Variants in RAB3GAP1 observed in about 807,000 individuals in gnomAD.
RAB3GAP1 encodes RAB3 GTPase activating protein catalytic subunit 1, also known as rab3 GTPase-activating protein catalytic subunit.
Under a neutral mutation model 130.7 loss-of-function variants are expected in RAB3GAP1, and 86 were observed. The observed-to-expected ratio is 0.66, with a 90% confidence interval of 0.55 to 0.79. The LOEUF is 0.79. RAB3GAP1 is among the 30% of genes least tolerant of loss of function. The pLI is 0.00. For missense variants in RAB3GAP1, 1,029 were observed against 1,169.4 expected, an observed-to-expected ratio of 0.88 and a Z score of 1.75; for synonymous variants, 367 against 401.7, an observed-to-expected ratio of 0.91 and a Z score of 1.03.
chr2:135,142,318 A>C (rs1226654703), intron 17 of RAB3GAP1, among the ~76,000 whole-genome samples: 2 of 152,126 alleles, frequency 1.3e-5, no homozygotes, highest in East Asian at 3.8e-4. Flanking sequence ...GTATTTTAAA[A>C]GTTCATTTTC....
intron 3 of RAB3GAP1, among the ~76,000 whole-genome samples, chr2:135,063,716 T>C (rs1240453423): frequency 6.6e-6 from 1 of 152,220 alleles, no homozygotes; most frequent in Admixed American, 6.5e-5. Context: ...GTTTATCTGT[T>C]CATCTGTTGA....
intron 3 of RAB3GAP1, among the ~76,000 whole-genome samples, chr2:135,073,049 G>A (rs576233351): frequency 1.3e-5 from 2 of 152,308 alleles, no homozygotes; most frequent in South Asian, 2.1e-4. Context: ...GAGAAATAGG[G>A]CTATTAGAGG....
intron 19 of RAB3GAP1, among the ~76,000 whole-genome samples, chr2:135,156,357 G>T (rs1692310794): frequency 1.3e-5 from 2 of 152,026 alleles, no homozygotes; most frequent in East Asian, 3.8e-4. Flanking sequence ...TATAACATTG[G>T]TACCTAAACC....
At position 135,168,885 on chromosome 2, in the gene RAB3GAP1, C is replaced by A; in HGVS notation, c.*104C>A. Reference sequence around the variant, plus strand: ...TGGGAGGTCCTGGAGAGGGCCCTGTCCAGTTGGGTGATCAGGAATCAAACC... The same window carrying A: ...TGGGAGGTCCTGGAGAGGGCCCTGTACAGTTGGGTGATCAGGAATCAAACC... On this transcript the variant is annotated 3_prime_UTR_variant, in exon 24 of 24. Coordinates refer to ENST00000264158, the MANE Select transcript of RAB3GAP1 (RefSeq NM_012233.3). 1 of 960,436 alleles carries A rather than the reference C, an allele frequency of 1.0e-6. No individual in the cohort carries two copies. The highest frequency in any genetic ancestry group is 1.7e-6 in the Non-Finnish European group (1 of 593,556). 59.5% of individuals were successfully genotyped at this position (960,436 alleles called of 1,614,324 possible).
chr2:135,127,922 C>A (rs1691405294), intron 11 of RAB3GAP1, among the ~76,000 whole-genome samples: 1 of 152,058 alleles, frequency 6.6e-6, no homozygotes, highest in Admixed American at 6.6e-5. Flanking sequence ...CCTCAGTGTG[C>A]CTTGTCATCT....
chr2:135,106,080 C>A (rs1359957159), intron 5 of RAB3GAP1, among the ~76,000 whole-genome samples: 1 of 151,702 alleles, frequency 6.6e-6, no homozygotes, highest in Admixed American at 6.6e-5. Context: ...GCCCGGCAGC[C>A]GCCCCATCCG....
rs1691616194 is a variant in RAB3GAP1, at chr2:135,133,993, G to C, written c.1459G>C (p.Glu487Gln). ...ACACCTCTGGCAGGAATTTGTTCTT[G>C]AAATGCGTTTCCGATGGGAAAACAA... ...VAHLWQEFVL[E>Q]MRFRWENNFL... is the part of the protein sequence containing the mutation. The change falls in exon 15 of 24, where the codon GAA (glutamate) becomes CAA (glutamine). Residue 487 changes from glutamate to glutamine, a missense_variant. This residue lies in a region of RAB3GAP1 where 373 missense variants were observed against 493.6 expected (regional missense o/e 0.76). Transcript: ENST00000264158. The C allele has an allele frequency of 1.2e-6, 2 of 1,613,928 alleles. No individual in the cohort carries two copies. The highest frequency in any genetic ancestry group is 1.7e-5 in the Admixed American group (1 of 60,026).
At chr2:135,130,444 C>T in intron 12 of RAB3GAP1, 108 bp from the exon 13 acceptor site, 1 of 904,652 alleles carries the variant, frequency 1.1e-6, no homozygotes, top group South Asian at 1.6e-5. Context: ...CCATGTAACA[C>T]TAGTAAAAAG....
intron 6 of RAB3GAP1, 37 bp downstream of exon 6, chr2:135,113,307 T>A: frequency 6.2e-7 from 1 of 1,609,828 alleles, no homozygotes; most frequent in South Asian, 1.1e-5. Context: ...ACAAAAAAAC[T>A]GTTTTTAACA....
At position 135,120,930 on chromosome 2, in the gene RAB3GAP1, T is replaced by A; in HGVS notation, c.748+12T>A. ...TCAGCAACCTCCAGGTGAGATCATT[T>A]AGAACTATATTTAACTTACTGAATA... On this transcript the variant is annotated intron_variant, in intron 8 of 23. Transcript: ENST00000264158. 6.6e-7 allele frequency: 1 copy of A among 1,515,584 alleles called. No homozygotes were observed. The highest frequency in any genetic ancestry group is 1.7e-4 in the Middle Eastern group (1 of 5,884). The allele number at this position is 1,515,584 out of a possible 1,614,324, so 93.9% of individuals were successfully genotyped here.
intron 3 of RAB3GAP1, among the ~76,000 whole-genome samples, chr2:135,065,859 C>G (rs1221162293): frequency 1.3e-5 from 2 of 151,348 alleles, no homozygotes; most frequent in Non-Finnish European, 2.9e-5. Flanking sequence ...CAACCTTTGC[C>G]TCCCAGGTTC....
At chr2:135,135,340 T>C (rs1183284139) in intron 16 of RAB3GAP1, 21 bp downstream of exon 16, 2 of 1,571,224 alleles carry the variant, frequency 1.3e-6, no homozygotes, top group East Asian at 2.2e-5. Flanking sequence ...CTCAATGACA[T>C]GGATAAATGT....
downstream of RAB3GAP1, chr2:135,175,620 T>C (rs955845665): frequency 1.3e-5 from 2 of 152,230 alleles, no homozygotes; most frequent in Non-Finnish European, 2.9e-5. Flanking sequence ...GTAGAAATTA[T>C]GAGTGGCCCG....
intron 9 of RAB3GAP1, 44 bp from the exon 10 acceptor site, chr2:135,126,137 C>T (rs746752848): frequency 5.9e-6 from 8 of 1,353,510 alleles, no homozygotes; most frequent in South Asian, 4.7e-5. Context: ...AATATAATTG[C>T]TGAGTCAGTA....
At chr2:135,133,285 G>A (rs1486237977) in intron 14 of RAB3GAP1, among the ~76,000 whole-genome samples, 2 of 152,046 alleles carry the variant, frequency 1.3e-5, no homozygotes. Flanking sequence ...GATTCTTTTT[G>A]ATATTTTAAA....
chr2:135,123,698 A>G (rs1205875715), intron 8 of RAB3GAP1, among the ~76,000 whole-genome samples: 2 of 152,112 alleles, frequency 1.3e-5, no homozygotes, highest in Non-Finnish European at 2.9e-5. Context: ...ATATATTTCC[A>G]TTTACTATCA....
intron 3 of RAB3GAP1, chr2:135,089,739 G>A (rs1690089583): frequency 4.2e-6 from 1 of 240,138 alleles, no homozygotes; most frequent in South Asian, 3.7e-5. Context: ...TATAAACCAT[G>A]GAATACTATG....
chr2:135,122,788 C>G (rs1691241698), intron 8 of RAB3GAP1, among the ~76,000 whole-genome samples: 1 of 152,144 alleles, frequency 6.6e-6, no homozygotes. Context: ...GTGGCATGAT[C>G]TTGGCTCACT....
downstream of RAB3GAP1, among the ~76,000 whole-genome samples, chr2:135,175,144 T>C (rs1302403038): frequency 6.6e-6 from 1 of 152,230 alleles, no homozygotes; most frequent in East Asian, 1.9e-4. Context: ...CAAATTACCC[T>C]GAATAAGTGT....
Sources: allele counts gnomAD v4.1 joint callset (sites outside exome capture counted in the v4.1 genomes callset), GRCh38; gene constraint gnomAD v4.1.1; regional missense constraint gnomAD v4.1.1; transcripts MANE v1.5; gene names NCBI Gene and HGNC (gene_info 2026-07-23, HGNC 2026-07-21).